The following PBX1 variants were observed in gnomAD, a reference collection of about 807,000 sequenced individuals.
The protein encoded by PBX1 is PBX homeobox 1.
In PBX1, 6 loss-of-function variants were observed where a neutral mutation model predicts 53.4. The ratio of observed to expected loss-of-function variants is 0.11; its 90% confidence interval spans 0.06 to 0.22. The LOEUF is 0.22. Ranked by LOEUF, PBX1 falls within the 10% of genes least tolerant of loss-of-function variation. The probability of loss-of-function intolerance (pLI) is 1.00; values close to 1 mark genes in which losing one functional copy is unlikely to be tolerated. For missense variants in PBX1, 251 were observed against 551.4 expected, an observed-to-expected ratio of 0.46 and a Z score of 5.46; for synonymous variants, 204 against 212.3, an observed-to-expected ratio of 0.96 and a Z score of 0.34.
At chr1:164,823,690 C>A (rs1374567961) in intron 8 of PBX1, among the ~76,000 whole-genome samples, 1 of 151,924 alleles carries the variant, frequency 6.6e-6, no homozygotes, top group African/African-American at 2.4e-5. Flanking sequence ...ATAGTGTAAC[C>A]AAACATGTGC....
intron 2 of PBX1, among the ~76,000 whole-genome samples, chr1:164,605,735 G>C (rs1005333848): frequency 3.9e-5 from 6 of 152,182 alleles, no homozygotes; most frequent in African/African-American, 1.4e-4. Context: ...ACTCAAGGTT[G>C]CTTGCGGGGA....
intron 2 of PBX1, among the ~76,000 whole-genome samples, chr1:164,677,195 C>T (rs945675856): frequency 2.0e-4 from 31 of 151,298 alleles, no homozygotes; most frequent in Non-Finnish European, 1.0e-4. Flanking sequence ...CGGGTTCACG[C>T]CATTCTCCTG....
intron 2 of PBX1, among the ~76,000 whole-genome samples, chr1:164,868,354 G>T (rs369710153): frequency 2.7e-4 from 41 of 152,320 alleles, no homozygotes; most frequent in Admixed American, 2.4e-3. Flanking sequence ...GAGGAGCAGG[G>T]ATAGTTGACA....
rs1299403365 is a variant in PBX1 at position 164,870,337 on chromosome 1, CT to C, written n.258-28848del. Among the ~76,000 whole-genome samples the C allele has an allele frequency of 7.6e-3, 803 of 106,098 alleles. 64 individuals are homozygous for C. The highest frequency in any genetic ancestry group is 0.012 in the South Asian group (36 of 3,102). 69.6% of individuals were successfully genotyped at this position (106,098 alleles called of 152,430 possible). On this transcript the variant is annotated intron_variant and non_coding_transcript_variant, in intron 2 of 2. Transcript: ENST00000558796. ...TCTTTCTTTCTTTCTTTCTTTCTTT[CT>C]TTCTTTCTTTCTTTCTTTCTTTCGA...
intron 2 of PBX1, among the ~76,000 whole-genome samples, chr1:164,718,585 A>G (rs1664242171): frequency 6.6e-6 from 1 of 152,158 alleles, no homozygotes; most frequent in African/African-American, 2.4e-5. Flanking sequence ...ATGAGTTTTC[A>G]CCTGGCAATG....
chr1:164,662,262 G>A (rs952449738), intron 2 of PBX1, among the ~76,000 whole-genome samples: 11 of 152,178 alleles, frequency 7.2e-5, no homozygotes, highest in African/African-American at 2.7e-4. Context: ...GGGAGTGGAG[G>A]TTGCAGTGGG....
At chr1:164,564,406 T>G (rs3898199) in intron 2 of PBX1, among the ~76,000 whole-genome samples, 98,273 of 151,866 alleles carry the variant, frequency 0.65, 33,087 homozygotes, top group East Asian at 0.85. Flanking sequence ...ACATAAAAAA[T>G]GGGCGGGGGG....
At chr1:164,769,616 T>G (rs758711009) in intron 2 of PBX1, among the ~76,000 whole-genome samples, 1 of 152,152 alleles carries the variant, frequency 6.6e-6, no homozygotes, top group African/African-American at 2.4e-5. Context: ...GAAGATTGAG[T>G]TGGAGTTGGA....
rs1447759001 is a variant in PBX1, at chr1:164,850,526, T to A, written c.*3850T>A. 5.1e-6 allele frequency: 1 copy of A among 195,298 alleles called. No homozygotes were observed. The highest frequency in any genetic ancestry group is 1.1e-5 in the Non-Finnish European group (1 of 94,026). 12.1% of individuals were successfully genotyped at this position (195,298 alleles called of 1,614,324 possible). The stretch of plus-strand genomic sequence containing the variant: ...GGTTTGTTTATTGGGGGGCTTTTTT[T>A]AATTGTCAGGATTATGATCTTGCTG... On this transcript the variant is annotated 3_prime_UTR_variant, in exon 9 of 9. Coordinates refer to ENST00000420696, the MANE Select transcript of PBX1 (RefSeq NM_002585.4).
intron 2 of PBX1, among the ~76,000 whole-genome samples, chr1:164,784,384 G>A (rs1314535641): frequency 2.6e-5 from 4 of 152,228 alleles, no homozygotes; most frequent in African/African-American, 4.8e-5. Context: ...CTCCCTGCCA[G>A]CTGGCCCAGG....
In PBX1 at chr1:164,849,688, G is replaced by A. The variant is rs1016749580; in HGVS notation, c.*3012G>A. 8 of 375,162 alleles carry A rather than the reference G, an allele frequency of 2.1e-5. No individual in the cohort carries two copies. In the Admixed American group the frequency reaches 2.6e-4, roughly 12 times the overall value. 23.2% of individuals were successfully genotyped at this position (375,162 alleles called of 1,614,324 possible). ...CCCTAATCCATCCTCCCTCTGGCAT[G>A]GAATTGACGCCCGTGCAGTACATTT... is the stretch of plus-strand genomic sequence containing the variant. On this transcript the variant is annotated 3_prime_UTR_variant, in exon 9 of 9. Coordinates refer to ENST00000420696, the MANE Select transcript of PBX1 (RefSeq NM_002585.4).
At chr1:164,883,756 G>A (rs186982394) in intron 2 of PBX1, among the ~76,000 whole-genome samples, 5 of 152,252 alleles carry the variant, frequency 3.3e-5, no homozygotes, top group Admixed American at 1.3e-4. Context: ...AATGCTTCAT[G>A]TCTTTGAGCT....
intron 2 of PBX1, among the ~76,000 whole-genome samples, chr1:164,870,709 C>G (rs184374158): frequency 4.6e-5 from 7 of 152,308 alleles, no homozygotes; most frequent in Admixed American, 3.9e-4. Context: ...TAACATTTCT[C>G]TAGCTCTACC....
intron 2 of PBX1, among the ~76,000 whole-genome samples, chr1:164,580,868 C>T (rs1010177344): frequency 7.2e-5 from 11 of 152,170 alleles, no homozygotes; most frequent in African/African-American, 2.4e-4. Flanking sequence ...TATGAGCCAC[C>T]GCACCTGGCT....
intron 2 of PBX1, among the ~76,000 whole-genome samples, chr1:164,762,713 G>T (rs1666873117): frequency 6.6e-6 from 1 of 152,152 alleles, no homozygotes; most frequent in Admixed American, 6.5e-5. Context: ...TTTTCAAGTA[G>T]TTAAAAGAAC....
intron 3 of PBX1, among the ~76,000 whole-genome samples, chr1:164,794,108 C>T (rs989442464): frequency 1.3e-5 from 2 of 152,032 alleles, no homozygotes; most frequent in Non-Finnish European, 2.9e-5. Context: ...CTCCTGACCT[C>T]AGGTGATCCA....
chr1:164,693,558 T>C (rs1006976703), intron 2 of PBX1, among the ~76,000 whole-genome samples: 4 of 152,050 alleles, frequency 2.6e-5, no homozygotes, highest in African/African-American at 9.7e-5. Flanking sequence ...CACCTGACAC[T>C]CCCCACCATT....
chr1:164,651,719 G>A (rs1249906135), intron 2 of PBX1, among the ~76,000 whole-genome samples: 3 of 152,136 alleles, frequency 2.0e-5, no homozygotes, highest in East Asian at 1.9e-4. Flanking sequence ...TTCCTCCTGC[G>A]ACCAAATCCA....
chr1:164,867,374 A>G (rs1291694914), intron 2 of PBX1, among the ~76,000 whole-genome samples: 1 of 152,172 alleles, frequency 6.6e-6, no homozygotes, highest in Non-Finnish European at 1.5e-5. Context: ...AGGCTATAAA[A>G]TTGGGCTACG....
Sources: gnomAD v4.1 joint callset for allele counts (sites outside exome capture counted in the v4.1 genomes callset) on GRCh38, gnomAD v4.1.1 for gene constraint, MANE v1.5 for transcripts, NCBI Gene and HGNC (gene_info 2026-07-23, HGNC 2026-07-21) for gene names.